Variants in AGTR1 observed in about 807,000 individuals in gnomAD.
AGTR1 encodes type-1 angiotensin II receptor.
AGTR1 carries 16 observed loss-of-function variants against 19.4 expected under a neutral mutation model. That is an observed-to-expected ratio of 0.82 (90% CI 0.56 to 1.25). The LOEUF (loss-of-function observed/expected upper bound fraction) is 1.25, where lower values mean the gene tolerates loss of function less well. Ranked by LOEUF, AGTR1 falls within the 50% of genes most tolerant of loss-of-function variation. The pLI is 0.00. For missense variants in AGTR1, 373 were observed against 431.9 expected (o/e 0.86, Z 1.21); for synonymous variants, 153 against 154.9 (o/e 0.99, Z 0.09).
chr3:148,728,226 T>G (rs1714064461), intron 2 of AGTR1, among the ~76,000 whole-genome samples: 1 of 152,224 alleles, frequency 6.6e-6, no homozygotes, highest in Non-Finnish European at 1.5e-5. Context: ...TTTCTTAACC[T>G]GAGCAATGGG....
intron 2 of AGTR1, among the ~76,000 whole-genome samples, chr3:148,715,603 A>G (rs746114014): frequency 1.3e-5 from 2 of 152,198 alleles, no homozygotes; most frequent in Non-Finnish European, 2.9e-5. Flanking sequence ...TAGTAGCTCA[A>G]TGCTGTGGCC....
chr3:148,724,125 A>G (rs943744440), intron 2 of AGTR1, among the ~76,000 whole-genome samples: 16 of 152,296 alleles, frequency 1.1e-4, no homozygotes, highest in Middle Eastern at 3.4e-3. Context: ...TTTTAAGTTT[A>G]TATTTTAAAG....
Position 148,742,067 on chromosome 3 carries a change from T to C in AGTR1, c.1032T>C (p.Asn344=), listed in dbSNP as rs1416249858. The C allele has an allele frequency of 2.5e-6, 4 of 1,613,966 alleles. No homozygotes were observed. Among genetic ancestry groups the C allele is most frequent in the South Asian group, 1.1e-5 (1 of 91,052 alleles). ...MSTLSYRPSD[N]VSSSTKKPAP... ...CGCTTTCCTACCGCCCCTCAGATAA[T>C]GTAAGCTCATCCACCAAGAAGCCTG... The change falls in exon 3 of 3, where the codon AAT becomes AAC. Residue 344 remains asparagine, a synonymous_variant. Transcript: ENST00000349243.
rs1713290161 is a variant in AGTR1, at chr3:148,716,062, T to C, written c.-48+8035T>C. On this transcript the variant is annotated intron_variant, in intron 2 of 2. Coordinates refer to ENST00000349243, the MANE Select transcript of AGTR1 (RefSeq NM_000685.5). This position sits in a 1 kb window ranked among gnomAD's most constrained non-coding sequence, Gnocchi z 4.7. Reference sequence around the variant, plus strand: ...CCAAACCGTATCCTATGGAAATGCCTTTTTAGCAAATTAAACTGAATTGTG... The same window carrying C: ...CCAAACCGTATCCTATGGAAATGCCCTTTTAGCAAATTAAACTGAATTGTG... Among the ~76,000 whole-genome samples the C allele has an allele frequency of 6.6e-6, 1 of 152,164 alleles. No individual in the cohort carries two copies. Among genetic ancestry groups the C allele is most frequent in the Non-Finnish European group, 1.5e-5 (1 of 68,026 alleles).
chr3:148,731,736 G>GA (rs1381840429), intron 2 of AGTR1, among the ~76,000 whole-genome samples: 2 of 152,206 alleles, frequency 1.3e-5, no homozygotes, highest in Non-Finnish European at 2.9e-5. Context: ...TGGCAGAGCA[G>GA]ACTCTTTGCC....
At chr3:148,732,800 G>A (rs17231049) in intron 2 of AGTR1, among the ~76,000 whole-genome samples, 10,736 of 140,812 alleles carry the variant, frequency 0.076, 482 homozygotes, top group Middle Eastern at 0.12. Flanking sequence ...GAGTGCAGTG[G>A]CGGGATCTCG....
At chr3:148,719,541 C>T (rs12721269) in intron 2 of AGTR1, among the ~76,000 whole-genome samples, 2,027 of 152,308 alleles carry the variant, frequency 0.013, 15 homozygotes, top group Non-Finnish European at 0.017. Flanking sequence ...CCAGAGGCTC[C>T]CCATGAAAAC....
chr3:148,722,422 A>G (rs180924017), intron 2 of AGTR1, among the ~76,000 whole-genome samples: 100 of 152,330 alleles, frequency 6.6e-4, no homozygotes, highest in Admixed American at 2.2e-3. Flanking sequence ...TGCTAAGACT[A>G]CATTTGTTTC....
At chr3:148,712,950 G>A (rs1246076618) in intron 2 of AGTR1, among the ~76,000 whole-genome samples, 1 of 152,092 alleles carries the variant, frequency 6.6e-6, no homozygotes, top group Non-Finnish European at 1.5e-5. Flanking sequence ...GGCAACTGAG[G>A]TAGTAGGAGG....
In AGTR1 at chr3:148,716,264, T is replaced by C. The variant is rs373865612; in HGVS notation, c.-48+8237T>C. On this transcript the variant is annotated intron_variant, in intron 2 of 2. Coordinates refer to ENST00000349243, the MANE Select transcript of AGTR1 (RefSeq NM_000685.5). The surrounding 1 kb of genome is among the most constrained non-coding windows in gnomAD (Gnocchi z 4.7). ...AACCATACTTCTCTCATGGAAGCCC[T>C]GGTCTCACAGAACTAAAAAGGAGGC... Among the ~76,000 whole-genome samples the C allele has an allele frequency of 2.6e-5, 4 of 152,226 alleles. No homozygotes were observed. The highest frequency in any genetic ancestry group is 9.6e-5 in the African/African-American group (4 of 41,536).
chr3:148,742,072 G>C lies in AGTR1; in HGVS notation c.1037G>C (p.Ser346Thr), dbSNP rs1428962420. The change falls in exon 3 of 3, where the codon AGC becomes ACC. Residue 346 changes from serine (S) to threonine (T), a missense_variant. Coordinates refer to ENST00000349243, the MANE Select transcript of AGTR1 (RefSeq NM_000685.5). ...TCCTACCGCCCCTCAGATAATGTAA[G>C]CTCATCCACCAAGAAGCCTGCACCA... The part of the protein sequence containing the change: ...TLSYRPSDNV[S>T]SSTKKPAPCF... 6.2e-7 allele frequency: 1 copy of C among 1,613,828 alleles called. No homozygotes were observed. Among genetic ancestry groups the C allele is most frequent in the Non-Finnish European group, 8.5e-7 (1 of 1,179,996 alleles).
intron 1 of AGTR1, among the ~76,000 whole-genome samples, chr3:148,699,213 T>C (rs1188219881): frequency 6.6e-6 from 1 of 152,194 alleles, no homozygotes; most frequent in Non-Finnish European, 1.5e-5. Flanking sequence ...TTTGGCACCC[T>C]ATTGATCTAT....
intron 2 of AGTR1, among the ~76,000 whole-genome samples, chr3:148,735,451 T>A (rs1714522419): frequency 6.6e-6 from 1 of 151,990 alleles, no homozygotes; most frequent in Admixed American, 6.6e-5. Context: ...AGTCAAAGAT[T>A]ACAAAACCTA....
At chr3:148,735,669 GT>G (rs1415956409) in intron 2 of AGTR1, among the ~76,000 whole-genome samples, 1 of 152,142 alleles carries the variant, frequency 6.6e-6, no homozygotes, top group Admixed American at 6.5e-5. Flanking sequence ...AAAGAAACGA[GT>G]AAAAAGCCTA....
At chr3:148,701,311 T>TG (rs1445722091) in intron 1 of AGTR1, among the ~76,000 whole-genome samples, 1 of 152,216 alleles carries the variant, frequency 6.6e-6, no homozygotes, top group African/African-American at 2.4e-5. Context: ...AAAGGACTAG[T>TG]GACTATTGCT....
At chr3:148,713,189 T>C (rs1431295089) in intron 2 of AGTR1, among the ~76,000 whole-genome samples, 1 of 152,154 alleles carries the variant, frequency 6.6e-6, no homozygotes, top group Non-Finnish European at 1.5e-5. Context: ...GAGATCTGTG[T>C]GACCTATTTT....
chr3:148,728,516 A>G (rs1005956772), intron 2 of AGTR1, among the ~76,000 whole-genome samples: 2 of 152,252 alleles, frequency 1.3e-5, no homozygotes, highest in African/African-American at 4.8e-5. Flanking sequence ...AATCATCTCA[A>G]AAATGCTCCA....
At position 148,741,949 on chromosome 3, in the gene AGTR1, T is replaced by TG; in HGVS notation, c.918dup (p.Lys307GlufsTer4). 6.2e-7 allele frequency: 1 copy of TG among 1,614,018 alleles called. No homozygotes were observed. The highest frequency in any genetic ancestry group is 8.5e-7 in the Non-Finnish European group (1 of 1,180,016). ...CTGAATCCTCTTTTTTATGGCTTTCTGGGGAAAAAATTTAAAAGATATTTT... is the reference window on the plus strand; with the variant it reads ...CTGAATCCTCTTTTTTATGGCTTTCTGGGGGAAAAAATTTAAAAGATATTTT... On this transcript the variant is annotated frameshift_variant, in exon 3 of 3. Transcript: ENST00000349243. LOFTEE classifies it high-confidence loss of function.
chr3:148,724,875 A>T (rs1417348640), intron 2 of AGTR1, among the ~76,000 whole-genome samples: 1 of 152,252 alleles, frequency 6.6e-6, no homozygotes, highest in Non-Finnish European at 1.5e-5. Context: ...ATATCAAAAT[A>T]TCCAAAATTA....
Sources: allele counts gnomAD v4.1 joint callset (sites outside exome capture counted in the v4.1 genomes callset), GRCh38; gene constraint gnomAD v4.1.1; non-coding constraint Gnocchi (gnomAD v3.1); transcripts MANE v1.5; gene names NCBI Gene and HGNC (gene_info 2026-07-23, HGNC 2026-07-21).